The following CYRIB variants were observed in gnomAD, a reference collection of about 807,000 sequenced individuals.
CYRIB encodes the protein CYFIP-related Rac1 interactor B.
In CYRIB, 8 loss-of-function variants were observed where a neutral mutation model predicts 44.2. The ratio of observed to expected loss-of-function variants is 0.18; its 90% CI spans 0.11 to 0.33. The LOEUF is 0.33. CYRIB is among the 10% of genes least tolerant of loss of function. The probability of loss-of-function intolerance (pLI) is 1.00; values close to 1 mark genes in which losing one functional copy is unlikely to be tolerated. For missense variants in CYRIB, 185 were observed against 382.8 expected, an observed-to-expected ratio of 0.48 and a Z score of 4.31; for synonymous variants, 131 against 127.2, an observed-to-expected ratio of 1.03 and a Z score of -0.20.
chr8:129,969,039 A>ATTTTT (rs2095594777), intron 2 of CYRIB, among the ~76,000 whole-genome samples: 1 of 1,644 alleles, frequency 6.1e-4, no homozygotes, highest in African/African-American at 2.3e-3. Context: ...TTTGAGGTGG[A>ATTTTT]TTCTTGCTCT....
chr8:129,889,191 T>A (rs774592554), intron 2 of CYRIB, among the ~76,000 whole-genome samples: 4 of 152,194 alleles, frequency 2.6e-5, no homozygotes, highest in Admixed American at 2.0e-4. Context: ...TGACAGCATA[T>A]CTGTTTACAG....
At chr8:130,011,130 C>T (rs1286384139) in intron 1 of CYRIB, among the ~76,000 whole-genome samples, 1 of 152,126 alleles carries the variant, frequency 6.6e-6, no homozygotes, top group East Asian at 1.9e-4. Flanking sequence ...CTGACTCTCA[C>T]AAGCAGAATC....
chr8:129,855,849 C>T, intron 5 of CYRIB, 102 bp from the exon 8 acceptor site: 2 of 1,147,906 alleles, frequency 1.7e-6, no homozygotes, highest in Non-Finnish European at 2.4e-6. Context: ...CAGAAAAGTT[C>T]TCTTTAAAAA....
intron 2 of CYRIB, among the ~76,000 whole-genome samples, chr8:129,960,752 C>T (rs1052370289): frequency 1.3e-5 from 2 of 150,546 alleles, no homozygotes; most frequent in African/African-American, 4.9e-5. Flanking sequence ...GAGTTCGAGA[C>T]CAGCCTGACC....
At chr8:129,885,483 G>C (rs1173277236) in intron 2 of CYRIB, among the ~76,000 whole-genome samples, 2 of 152,294 alleles carry the variant, frequency 1.3e-5, no homozygotes, top group South Asian at 4.1e-4. Flanking sequence ...ACACTAACCA[G>C]CTTCACTTTA....
chr8:129,989,526 A>G (rs947949321), intron 1 of CYRIB, among the ~76,000 whole-genome samples: 1 of 152,030 alleles, frequency 6.6e-6, no homozygotes, highest in Non-Finnish European at 1.5e-5. Flanking sequence ...GGGTGTAGGT[A>G]GCAGGTGCAT....
At chr8:129,962,836 G>C (rs1418992509) in intron 2 of CYRIB, among the ~76,000 whole-genome samples, 1 of 152,104 alleles carries the variant, frequency 6.6e-6, no homozygotes, top group African/African-American at 2.4e-5. Flanking sequence ...GACATCCTTG[G>C]CTTTTGCCTA....
upstream of CYRIB, among the ~76,000 whole-genome samples, chr8:129,941,850 C>A (rs529325300): frequency 1.3e-5 from 2 of 152,344 alleles, no homozygotes; most frequent in South Asian, 4.1e-4. Flanking sequence ...GCTCCAATAT[C>A]TCCAACTACA....
intron 2 of CYRIB, among the ~76,000 whole-genome samples, chr8:129,895,251 C>T (rs989073429): frequency 4.8e-5 from 7 of 147,064 alleles, no homozygotes; most frequent in Admixed American, 2.0e-4. Flanking sequence ...AATCCTCCCC[C>T]ACCCTGGCCT....
At chr8:129,866,642 TAAA>T (rs1308179156) in intron 4 of CYRIB, among the ~76,000 whole-genome samples, 7 of 152,242 alleles carry the variant, frequency 4.6e-5, no homozygotes, top group Admixed American at 4.6e-4. Context: ...TTTCTTCTCT[TAAA>T]GAAGTCGATC....
At chr8:129,851,106 G>C (rs896993843) in intron 8 of CYRIB, 192 bp from the exon 11 acceptor site, 1 of 559,348 alleles carries the variant, frequency 1.8e-6, no homozygotes, top group Non-Finnish European at 3.2e-6. Flanking sequence ...GCAAGACAGC[G>C]AAGGCAGGAC....
intron 1 of CYRIB, among the ~76,000 whole-genome samples, chr8:129,925,147 C>G (rs1475317337): frequency 2.0e-5 from 3 of 152,108 alleles, no homozygotes; most frequent in African/African-American, 7.2e-5. Context: ...GCTGTAATCC[C>G]AGCACTTTGG....
intron 1 of CYRIB, among the ~76,000 whole-genome samples, chr8:129,999,677 G>A (rs1446164685): frequency 1.3e-5 from 2 of 152,244 alleles, no homozygotes; most frequent in African/African-American, 4.8e-5. Flanking sequence ...GCCCAGGATG[G>A]AGTGCAGTGG....
At chr8:129,899,842 G>A (rs2070509023) in intron 2 of CYRIB, among the ~76,000 whole-genome samples, 1 of 152,230 alleles carries the variant, frequency 6.6e-6, no homozygotes, top group Non-Finnish European at 1.5e-5. Context: ...CCTTGCAGAA[G>A]TACTATTTTG....
At chr8:129,880,463 A>G (rs1169323832) in intron 2 of CYRIB, 4 of 985,398 alleles carry the variant, frequency 4.1e-6, no homozygotes, top group Non-Finnish European at 4.8e-6. Context: ...GCAAACCTAA[A>G]AATAAAAATG....
intron 1 of CYRIB, among the ~76,000 whole-genome samples, chr8:130,009,003 C>G (rs1017145872): frequency 5.3e-5 from 8 of 152,228 alleles, no homozygotes; most frequent in African/African-American, 1.9e-4. Context: ...TGAGCACTCA[C>G]TGATGCTAGA....
intron 5 of CYRIB, among the ~76,000 whole-genome samples, chr8:129,861,738 A>G (rs1162694161): frequency 6.6e-6 from 1 of 152,118 alleles, no homozygotes; most frequent in Non-Finnish European, 1.5e-5. Flanking sequence ...GAAATGAGCA[A>G]GCACACCCAG....
intron 4 of CYRIB, 53 bp from the exon 7 acceptor site, chr8:129,862,387 ATTTTTACATT>A: frequency 1.5e-6 from 2 of 1,347,088 alleles, no homozygotes; most frequent in Non-Finnish European, 2.1e-6. Context: ...AAAAAGGTTC[ATTTTTACATT>A]AAAATGTAGG....
exon 12 of CYRIB, chr8:129,840,954 A>C (rs191598146): frequency 3.3e-5 from 5 of 152,342 alleles, no homozygotes; most frequent in Admixed American, 3.3e-4. Context: ...TAAATATTTA[A>C]AACACTGGCA....
Sources: allele counts gnomAD v4.1 joint callset (sites outside exome capture counted in the v4.1 genomes callset), GRCh38; gene constraint gnomAD v4.1.1; transcripts MANE v1.5; gene names NCBI Gene and HGNC (gene_info 2026-07-23, HGNC 2026-07-21).